Variants in CDH8 observed in about 807,000 individuals in gnomAD.
CDH8 encodes cadherin 8.
Under a neutral mutation model 68.1 loss-of-function variants are expected in CDH8, and 17 were observed. The observed-to-expected ratio is 0.25, with a 90% confidence interval of 0.17 to 0.37. The LOEUF is 0.37. Among genes scored for constraint, CDH8 ranks in the 10% least tolerant of loss-of-function variants. CDH8 has a pLI of 1.00. For missense variants in CDH8, 763 were observed against 999.3 expected (o/e 0.76, Z 3.19); for synonymous variants, 372 against 365.1 (o/e 1.02, Z -0.21).
At chr16:61,657,433 C>T (rs978841694) in intron 10 of CDH8, among the ~76,000 whole-genome samples, 3 of 151,968 alleles carry the variant, frequency 2.0e-5, no homozygotes, top group Non-Finnish European at 2.9e-5. Flanking sequence ...TCTGGTTGTA[C>T]ATCATTATAT....
intron 8 of CDH8, among the ~76,000 whole-genome samples, chr16:61,735,483 G>A (rs1266854618): frequency 6.6e-6 from 1 of 152,032 alleles, no homozygotes; most frequent in Non-Finnish European, 1.5e-5. Flanking sequence ...TTCGATAAAT[G>A]CCTTTTGTCA....
chr16:61,882,557 T>C (rs374586980), intron 3 of CDH8, among the ~76,000 whole-genome samples: 16 of 152,174 alleles, frequency 1.1e-4, no homozygotes, highest in African/African-American at 3.4e-4. Flanking sequence ...AAGAATGAGA[T>C]CTTGTCCTTT....
At chr16:62,020,343 T>A (rs1366045049) in intron 2 of CDH8, among the ~76,000 whole-genome samples, 1 of 152,128 alleles carries the variant, frequency 6.6e-6, no homozygotes, top group Non-Finnish European at 1.5e-5. Context: ...AAAAGGAGCT[T>A]ATGAACAGTT....
At chr16:61,852,503 T>C (rs1038593668) in intron 4 of CDH8, among the ~76,000 whole-genome samples, 4 of 152,112 alleles carry the variant, frequency 2.6e-5, no homozygotes, top group Admixed American at 1.3e-4. Context: ...GAGTTTATTA[T>C]GGTCTCAAGG....
intron 10 of CDH8, among the ~76,000 whole-genome samples, chr16:61,703,087 A>G (rs983851437): frequency 4.6e-5 from 7 of 152,216 alleles, no homozygotes; most frequent in African/African-American, 1.7e-4. Flanking sequence ...AAATAAAATC[A>G]TAGATATGTA....
chr16:62,016,333 C>A (rs1380668311), intron 2 of CDH8, among the ~76,000 whole-genome samples: 1 of 152,162 alleles, frequency 6.6e-6, no homozygotes, highest in Non-Finnish European at 1.5e-5. Context: ...TTGCTCAGAG[C>A]TGAGAATCCA....
At chr16:61,901,703 A>C (rs1963976947) in intron 2 of CDH8, among the ~76,000 whole-genome samples, 1 of 152,220 alleles carries the variant, frequency 6.6e-6, no homozygotes, top group African/African-American at 2.4e-5. Context: ...TGGCCTGTTT[A>C]GTATAAAACA....
intron 8 of CDH8, among the ~76,000 whole-genome samples, chr16:61,740,675 T>C (rs1306238218): frequency 1.3e-5 from 2 of 152,182 alleles, no homozygotes. Context: ...TGTAGATGCT[T>C]TAGTTCAATG....
chr16:61,959,365 G>A lies in CDH8; in HGVS notation c.253-57892C>T, dbSNP rs1274030693. 3.9e-5 allele frequency among the ~76,000 whole-genome samples: 6 copies of A among 151,990 alleles called. No individual in the cohort carries two copies. In the South Asian group the frequency reaches 6.2e-4, roughly 16 times the overall value. On this transcript the variant is annotated intron_variant, in intron 2 of 11. Coordinates refer to ENST00000577390, the MANE Select transcript of CDH8 (RefSeq NM_001796.5). ...TCTTCCACATCTCTCTTTTGCTTACGTGAATGCTTCTTTGTCCCATAGAAC... is the reference window on the plus strand; with the variant it reads ...TCTTCCACATCTCTCTTTTGCTTACATGAATGCTTCTTTGTCCCATAGAAC...
intron 7 of CDH8, among the ~76,000 whole-genome samples, chr16:61,790,223 C>G (rs1029971025): frequency 6.6e-6 from 1 of 151,900 alleles, no homozygotes; most frequent in Non-Finnish European, 1.5e-5. Flanking sequence ...TAAGAAAATA[C>G]GTGAGATGTG....
At chr16:61,655,872 A>AAT in intron 10 of CDH8, 151 bp from the exon 11 acceptor site, 3 of 591,628 alleles carry the variant, frequency 5.1e-6, no homozygotes, top group Non-Finnish European at 8.4e-6. Flanking sequence ...TCGTCTCCGC[A>AAT]CTTTTTTTTT....
chr16:61,891,183 C>T (rs1963770634), intron 3 of CDH8, among the ~76,000 whole-genome samples: 1 of 151,850 alleles, frequency 6.6e-6, no homozygotes, highest in African/African-American at 2.4e-5. Flanking sequence ...AGTTGGCAGC[C>T]CATACAGGGC....
chr16:62,008,241 T>A lies in CDH8; in HGVS notation c.252+12911A>T, dbSNP rs539374507. Among the ~76,000 whole-genome samples the A allele has an allele frequency of 3.3e-5, 5 of 151,990 alleles. No homozygotes were observed. The South Asian group carries it at 1.0e-3, about 32-fold the overall frequency. Reference sequence around the variant, plus strand: ...TGTGAGCCACTGCGCCCAGCTTAGGTCCTTTCTTATGTTGTATCACTTGTA... The same window carrying A: ...TGTGAGCCACTGCGCCCAGCTTAGGACCTTTCTTATGTTGTATCACTTGTA... On this transcript the variant is annotated intron_variant, in intron 2 of 11. Coordinates refer to ENST00000577390, the MANE Select transcript of CDH8 (RefSeq NM_001796.5).
rs74525182 is a variant in CDH8, at chr16:61,847,239, T to C, written c.667+9880A>G. On this transcript the variant is annotated intron_variant, in intron 4 of 11. Coordinates refer to ENST00000577390, the MANE Select transcript of CDH8 (RefSeq NM_001796.5). ...GCCTGGTTCTAAGCCCTGCAATGCA[T>C]AGTGAGGAAACCATCCAAGATCCCT... 2.2e-3 allele frequency among the ~76,000 whole-genome samples: 334 copies of C among 152,066 alleles called. 6 individuals carry two copies. Among genetic ancestry groups the C allele is most frequent in the East Asian group, 0.022 (111 of 5,148 alleles).
chr16:61,888,029 T>C (rs1232088052), intron 3 of CDH8, among the ~76,000 whole-genome samples: 1 of 152,100 alleles, frequency 6.6e-6, no homozygotes, highest in Non-Finnish European at 1.5e-5. Context: ...GCATGAGACG[T>C]TGGAAGCAGA....
At chr16:61,787,727 G>A in intron 8 of CDH8, among the ~76,000 whole-genome samples, 1 of 150,040 alleles carries the variant, frequency 6.7e-6, no homozygotes, top group African/African-American at 2.5e-5. Context: ...TTAAGAAAAT[G>A]TGGCACATAT....
intron 1 of CDH8, among the ~76,000 whole-genome samples, chr16:62,027,081 A>G (rs1402231199): frequency 6.6e-6 from 1 of 152,198 alleles, no homozygotes; most frequent in African/African-American, 2.4e-5. Context: ...AATCTACTTT[A>G]TTATAATGCT....
intron 10 of CDH8, chr16:61,667,732 C>T (rs1337256731): frequency 6.6e-6 from 1 of 151,802 alleles, no homozygotes; most frequent in Non-Finnish European, 1.5e-5. Context: ...TACGGCATCC[C>T]TAGAAAATAA....
intron 8 of CDH8, among the ~76,000 whole-genome samples, chr16:61,782,494 C>T (rs1167830523): frequency 6.6e-6 from 1 of 152,086 alleles, no homozygotes; most frequent in Non-Finnish European, 1.5e-5. Context: ...AACTGCAAGG[C>T]AGCAGCGAGG....
Sources: allele counts gnomAD v4.1 joint callset (sites outside exome capture counted in the v4.1 genomes callset), GRCh38; gene constraint gnomAD v4.1.1; transcripts MANE v1.5; gene names NCBI Gene and HGNC (gene_info 2026-07-23, HGNC 2026-07-21).